DCLK1: variants seen among roughly 807,000 people sequenced by gnomAD.
DCLK1 encodes the protein doublecortin like kinase 1.
DCLK1 carries 16 observed loss-of-function variants against 86.2 expected under a neutral mutation model. That is an observed-to-expected ratio of 0.19 (90% confidence interval 0.13 to 0.28). The LOEUF is 0.28. Ranked by LOEUF, DCLK1 falls within the 10% of genes least tolerant of loss-of-function variation. DCLK1 has a pLI of 1.00. For missense variants in DCLK1, 590 were observed against 940.2 expected, an observed-to-expected ratio of 0.63 and a Z score of 4.87; for synonymous variants, 369 against 370.5, an observed-to-expected ratio of 1.00 and a Z score of 0.05.
At chr13:35,833,304 C>T (rs758312500) in intron 8 of DCLK1, among the ~76,000 whole-genome samples, 16 of 152,116 alleles carry the variant, frequency 1.1e-4, no homozygotes, top group Admixed American at 7.9e-4. Flanking sequence ...TTAGTCCACA[C>T]GGAGCCAGGA....
chr13:35,972,812 C>CTCTGTAT lies in DCLK1; in HGVS notation c.724-25356_724-25355insATACAGA, dbSNP rs1245332493. Among the ~76,000 whole-genome samples the CTCTGTAT allele has an allele frequency of 2.6e-5, 4 of 152,270 alleles. No individual in the cohort carries two copies. The East Asian group carries it at 7.7e-4, about 29-fold the overall frequency. ...CATAGACCATCATGGCTCAAGCACACCCTGTATCCTGTATCCTGATGACAC... is the reference window on the plus strand; with the variant it reads ...CATAGACCATCATGGCTCAAGCACACTCTGTATCCTGTATCCTGTATCCTGATGACAC... On this transcript the variant is annotated intron_variant, in intron 3 of 16. Coordinates refer to ENST00000360631, the MANE Select transcript of DCLK1 (RefSeq NM_001330071.2).
At chr13:36,080,531 T>C (rs9546304) in intron 3 of DCLK1, among the ~76,000 whole-genome samples, 20 of 152,336 alleles carry the variant, frequency 1.3e-4, no homozygotes, top group African/African-American at 2.6e-4. Context: ...TGGGCTGAAA[T>C]TGAATTACTA....
intron 6 of DCLK1, chr13:35,847,623 A>AAAAGAAAGAGAAAGAAAGAAAGAAAG: frequency 1.5e-6 from 1 of 649,870 alleles, no homozygotes; most frequent in Non-Finnish European, 1.9e-6. Flanking sequence ...TTAAGCAAAA[A>AAAAGAAAGAGAAAGAAAGAAAGAAAG]AAAGAAAGAA....
intron 3 of DCLK1, among the ~76,000 whole-genome samples, chr13:36,053,379 G>A (rs947152100): frequency 5.3e-5 from 8 of 152,154 alleles, no homozygotes; most frequent in South Asian, 4.1e-4. Context: ...AGGGCTCAGC[G>A]GATGCAGAGA....
chr13:35,797,283 C>T lies in DCLK1; in HGVS notation c.1945-3804G>A, dbSNP rs78144088. On this transcript the variant is annotated intron_variant, in intron 15 of 16. Transcript: ENST00000360631. ...TTGCTGAATAACCCCACCTTCTTTT[C>T]ACTCCCCACCATTGGCATCTTTTCA... 6.0e-3 allele frequency among the ~76,000 whole-genome samples: 917 copies of T among 152,164 alleles called. 7 individuals are homozygous for T. The highest frequency in any genetic ancestry group is 0.021 in the African/African-American group (882 of 41,536).
intron 2 of DCLK1, among the ~76,000 whole-genome samples, chr13:36,123,163 G>A (rs866762045): frequency 2.3e-4 from 35 of 152,226 alleles, no homozygotes; most frequent in Middle Eastern, 3.4e-3. Flanking sequence ...ATGCACTGAC[G>A]TTTACATAAA....
At chr13:35,817,060 T>A (rs138997179) in intron 11 of DCLK1, among the ~76,000 whole-genome samples, 1 of 152,210 alleles carries the variant, frequency 6.6e-6, no homozygotes, top group African/African-American at 2.4e-5. Context: ...ATGTTATTTT[T>A]AATTTTTGCT....
At chr13:35,908,575 T>A (rs1426749962) in intron 4 of DCLK1, among the ~76,000 whole-genome samples, 2 of 152,222 alleles carry the variant, frequency 1.3e-5, no homozygotes, top group African/African-American at 4.8e-5. Context: ...TTTATTTATT[T>A]GAAACAGGGT....
chr13:35,869,749 G>A (rs1057033188), intron 5 of DCLK1, among the ~76,000 whole-genome samples: 1 of 152,190 alleles, frequency 6.6e-6, no homozygotes, highest in Non-Finnish European at 1.5e-5. Flanking sequence ...TCTGGAGAGG[G>A]AGCTCAGGGC....
intron 4 of DCLK1, among the ~76,000 whole-genome samples, chr13:35,945,506 T>C (rs1461141916): frequency 6.6e-6 from 1 of 152,166 alleles, no homozygotes; most frequent in Non-Finnish European, 1.5e-5. Context: ...CTTGCTGGTT[T>C]GAAAAAGACA....
At chr13:36,063,354 G>T (rs773246387) in intron 3 of DCLK1, among the ~76,000 whole-genome samples, 2 of 152,140 alleles carry the variant, frequency 1.3e-5, no homozygotes, top group African/African-American at 4.8e-5. Context: ...CAGAGAGAAC[G>T]TGGGAACTTC....
At chr13:35,823,362 C>CACAT (rs2087440737) in intron 10 of DCLK1, among the ~76,000 whole-genome samples, 1 of 151,768 alleles carries the variant, frequency 6.6e-6, no homozygotes, top group Non-Finnish European at 1.5e-5. Context: ...GATGCACACA[C>CACAT]ACACACACAC....
intron 6 of DCLK1, among the ~76,000 whole-genome samples, chr13:35,844,223 G>A (rs999333858): frequency 7.9e-5 from 12 of 152,148 alleles, no homozygotes; most frequent in Non-Finnish European, 1.8e-4. Context: ...AATGTAAAAT[G>A]TTATCATAAA....
At chr13:36,070,774 T>C (rs1359362957) in intron 3 of DCLK1, among the ~76,000 whole-genome samples, 1 of 152,148 alleles carries the variant, frequency 6.6e-6, no homozygotes, top group Non-Finnish European at 1.5e-5. Context: ...CCTGAGTAGC[T>C]GGGATTACAG....
intron 3 of DCLK1, among the ~76,000 whole-genome samples, chr13:36,045,416 A>G (rs2153156150): frequency 7.2e-6 from 1 of 139,002 alleles, no homozygotes; most frequent in African/African-American, 2.6e-5. Flanking sequence ...CTTTCCCCTA[A>G]GTACATTAGC....
At chr13:35,780,704 C>T (rs1225878959) in intron 16 of DCLK1, among the ~76,000 whole-genome samples, 1 of 152,202 alleles carries the variant, frequency 6.6e-6, no homozygotes, top group African/African-American at 2.4e-5. Context: ...ACCGCATATT[C>T]CTACCACAAT....
intron 3 of DCLK1, among the ~76,000 whole-genome samples, chr13:35,988,191 C>T (rs567748049): frequency 1.3e-5 from 2 of 152,360 alleles, no homozygotes; most frequent in African/African-American, 4.8e-5. Flanking sequence ...TGCGTCGGCC[C>T]CCGCCGCACC....
At chr13:36,004,643 G>A (rs928528414) in intron 3 of DCLK1, among the ~76,000 whole-genome samples, 4 of 152,158 alleles carry the variant, frequency 2.6e-5, no homozygotes, top group Non-Finnish European at 4.4e-5. Context: ...CCAGGCTGGA[G>A]TGCAGTGGTG....
chr13:36,053,228 A>G (rs1315007120), intron 3 of DCLK1, among the ~76,000 whole-genome samples: 1 of 152,150 alleles, frequency 6.6e-6, no homozygotes, highest in Non-Finnish European at 1.5e-5. Flanking sequence ...GAACTGTGTG[A>G]GGTACTAGGC....
Sources: allele counts gnomAD v4.1 joint callset (sites outside exome capture counted in the v4.1 genomes callset), GRCh38; gene constraint gnomAD v4.1.1; transcripts MANE v1.5; gene names NCBI Gene and HGNC (gene_info 2026-07-23, HGNC 2026-07-21).